TULP4: variants seen among roughly 807,000 people sequenced by gnomAD.
The protein encoded by TULP4 is TUB like protein 4.
A neutral mutation model predicts 129.0 loss-of-function variants in TULP4; 16 were observed. That is an observed-to-expected ratio of 0.12 (90% CI 0.08 to 0.19). The LOEUF is 0.19. Ranked by LOEUF, TULP4 falls within the 10% of genes least tolerant of loss-of-function variation. TULP4 has a pLI of 1.00. For missense variants in TULP4, 1,842 were observed against 2,059.1 expected, an observed-to-expected ratio of 0.89 and a Z score of 2.04; for synonymous variants, 998 against 854.0, an observed-to-expected ratio of 1.17 and a Z score of -2.94.
chr6:158,258,439 T>C (rs1164650236), intron 1 of TULP4, among the ~76,000 whole-genome samples: 1 of 152,180 alleles, frequency 6.6e-6, no homozygotes, highest in Non-Finnish European at 1.5e-5. Context: ...ACTATTTTCT[T>C]TGTGTTCCAG....
At chr6:158,283,148 A>G (rs903729968) in intron 1 of TULP4, among the ~76,000 whole-genome samples, 1 of 151,792 alleles carries the variant, frequency 6.6e-6, no homozygotes, top group Non-Finnish European at 1.5e-5. Context: ...CAAAAAAAAA[A>G]AAACAAAAAA....
chr6:158,265,771 C>A (rs1778434862), intron 1 of TULP4, among the ~76,000 whole-genome samples: 1 of 151,686 alleles, frequency 6.6e-6, no homozygotes, highest in East Asian at 1.9e-4. Context: ...AAAGCTGTTT[C>A]TTTGATTAAA....
chr6:158,269,569 C>G (rs1562500601), intron 1 of TULP4, among the ~76,000 whole-genome samples: 1 of 152,022 alleles, frequency 6.6e-6, no homozygotes, highest in East Asian at 1.9e-4. Context: ...TAATTTTAAC[C>G]TTTTTTTCTC....
At chr6:158,279,948 G>A (rs866367095), upstream of TULP4, among the ~76,000 whole-genome samples, 1 of 152,186 alleles carries the variant, frequency 6.6e-6, no homozygotes, top group African/African-American at 2.4e-5. Flanking sequence ...GCTTCTTTAC[G>A]GCGCGGCTAA....
intron 13 of TULP4, among the ~76,000 whole-genome samples, chr6:158,505,038 TC>T (rs1780569068): frequency 6.6e-6 from 1 of 152,218 alleles, no homozygotes; most frequent in Non-Finnish European, 1.5e-5. Flanking sequence ...ATACTTTTCT[TC>T]CCCTAGACAT....
intron 1 of TULP4, among the ~76,000 whole-genome samples, chr6:158,405,126 G>A (rs923547562): frequency 2.6e-4 from 39 of 152,282 alleles, no homozygotes; most frequent in African/African-American, 8.2e-4. Context: ...ATGTAAAAAT[G>A]ACTTAAACTT....
At chr6:158,357,273 T>A (rs1380239452) in intron 1 of TULP4, among the ~76,000 whole-genome samples, 3 of 152,256 alleles carry the variant, frequency 2.0e-5, no homozygotes, top group Non-Finnish European at 4.4e-5. Flanking sequence ...ATGCATTTTT[T>A]AATGAAACGT....
chr6:158,495,174 C>G (rs548345263), intron 11 of TULP4, among the ~76,000 whole-genome samples: 2 of 151,986 alleles, frequency 1.3e-5, no homozygotes, highest in Admixed American at 1.3e-4. Context: ...TGCCTCAGCC[C>G]CCAAAGTAGC....
intron 1 of TULP4, among the ~76,000 whole-genome samples, chr6:158,391,169 C>T (rs934873471): frequency 1.3e-5 from 2 of 152,108 alleles, no homozygotes; most frequent in South Asian, 4.2e-4. Flanking sequence ...ATAAGGATTT[C>T]TTTCTTATAC....
At chr6:158,426,748 T>A (rs1478193198) in intron 2 of TULP4, among the ~76,000 whole-genome samples, 1 of 152,216 alleles carries the variant, frequency 6.6e-6, no homozygotes, top group Admixed American at 6.5e-5. Context: ...TTTTTCTGGT[T>A]CTATGAAGAA....
intron 1 of TULP4, among the ~76,000 whole-genome samples, chr6:158,363,379 A>G (rs1780845632): frequency 6.6e-6 from 1 of 152,232 alleles, no homozygotes; most frequent in Admixed American, 6.5e-5. Flanking sequence ...GGGTTAAGGC[A>G]TCTATTTTTT....
chr6:158,312,070 C>T (rs1242618693), upstream of TULP4: 1 of 397,000 alleles, frequency 2.5e-6, no homozygotes, highest in Non-Finnish European at 4.4e-6. Context: ...ACTCCAGGGC[C>T]TCCCAGCCGT....
intron 6 of TULP4, among the ~76,000 whole-genome samples, chr6:158,477,352 A>G (rs1239618694): frequency 6.6e-6 from 1 of 152,194 alleles, no homozygotes; most frequent in Non-Finnish European, 1.5e-5. Flanking sequence ...CTAAAGAGGA[A>G]TGGGAAATTA....
chr6:158,433,311 T>C (rs1778672071), intron 3 of TULP4, among the ~76,000 whole-genome samples: 1 of 152,184 alleles, frequency 6.6e-6, no homozygotes, highest in South Asian at 2.1e-4. Flanking sequence ...GAGTAAACAA[T>C]TTTGGCAAGA....
At chr6:158,274,771 C>T (rs542338018) in intron 1 of TULP4, among the ~76,000 whole-genome samples, 4 of 152,260 alleles carry the variant, frequency 2.6e-5, no homozygotes, top group Admixed American at 6.5e-5. Flanking sequence ...AGCGAGACTC[C>T]GTCTCAAAAA....
upstream of TULP4, among the ~76,000 whole-genome samples, chr6:158,310,924 C>T (rs1261891094): frequency 3.3e-5 from 5 of 152,098 alleles, no homozygotes; most frequent in East Asian, 9.6e-4. Context: ...ATAATTTTTA[C>T]TGCCGTATCA....
At chr6:158,452,005 C>A in intron 4 of TULP4, 129 bp from the exon 5 acceptor site, 4 of 1,365,096 alleles carry the variant, frequency 2.9e-6, no homozygotes, top group Middle Eastern at 3.8e-4. Flanking sequence ...ATTCAGGTAG[C>A]ATCCCAATCC....
intron 1 of TULP4, chr6:158,237,545 G>C (rs1777737429): frequency 3.2e-6 from 5 of 1,556,236 alleles, no homozygotes; most frequent in South Asian, 2.3e-5. Flanking sequence ...GTTGCTCCCT[G>C]GGTCCCTTTT....
chr6:158,279,603 G>T (rs1389248490), upstream of TULP4, among the ~76,000 whole-genome samples: 1 of 152,134 alleles, frequency 6.6e-6, no homozygotes, highest in African/African-American at 2.4e-5. Flanking sequence ...TACTTCATCT[G>T]TGTTTAATAT....
Sources: allele counts gnomAD v4.1 joint callset (sites outside exome capture counted in the v4.1 genomes callset), GRCh38; gene constraint gnomAD v4.1.1; transcripts MANE v1.5; gene names NCBI Gene and HGNC (gene_info 2026-07-23, HGNC 2026-07-21).